The following TRPM3 variants were observed in gnomAD, a reference collection of about 807,000 sequenced individuals.
The protein encoded by TRPM3 is transient receptor potential cation channel subfamily M member 3.
A neutral mutation model predicts 181.2 loss-of-function variants in TRPM3; 77 were observed. The observed-to-expected ratio is 0.42, with a 90% CI of 0.35 to 0.51. The LOEUF (loss-of-function observed/expected upper bound fraction) is 0.51. Ranked by LOEUF, TRPM3 falls within the 20% of genes least tolerant of loss-of-function variation. The pLI is 0.01. For missense variants in TRPM3, 1,759 were observed against 2,196.7 expected (o/e 0.80, Z 3.98); for synonymous variants, 745 against 796.4 (o/e 0.94, Z 1.09).
Position 71,405,634 on chromosome 9 carries a change from T to C in TRPM3, c.183+41019A>G, listed in dbSNP as rs541222506. ...GTCCTGTTGAAACTCTGTTTGCTTT[T>C]TACATATTGAGATCTAATTCTAATT... On this transcript the variant is annotated intron_variant, in intron 1 of 24. Transcript: ENST00000357533. Among the ~76,000 whole-genome samples the C allele has an allele frequency of 4.8e-4, 73 of 152,318 alleles. 1 individual carries two copies. The highest frequency in any genetic ancestry group is 1.7e-3 in the African/African-American group (70 of 41,576).
intron 1 of TRPM3, among the ~76,000 whole-genome samples, chr9:71,080,686 G>C (rs2064165230): frequency 6.6e-6 from 1 of 152,026 alleles, no homozygotes; most frequent in Non-Finnish European, 1.5e-5. Flanking sequence ...TCTCCTTCAG[G>C]GTCCTAGGTG....
intron 7 of TRPM3, among the ~76,000 whole-genome samples, chr9:70,778,380 A>C (rs1452382193): frequency 6.6e-6 from 1 of 152,162 alleles, no homozygotes; most frequent in Non-Finnish European, 1.5e-5. Context: ...TCCTCATTAT[A>C]AAGTTCTTGA....
chr9:71,142,596 T>A (rs2075173938), intron 1 of TRPM3, among the ~76,000 whole-genome samples: 1 of 152,132 alleles, frequency 6.6e-6, no homozygotes, highest in Non-Finnish European at 1.5e-5. Context: ...ATGTTTAAAT[T>A]TTAATATTGA....
chr9:71,077,598 T>C (rs1297763566), intron 1 of TRPM3, among the ~76,000 whole-genome samples: 2 of 152,134 alleles, frequency 1.3e-5, no homozygotes, highest in East Asian at 1.9e-4. Context: ...TACCAAAAAG[T>C]ACTATAAACA....
chr9:70,957,941 T>G (rs1210125415), intron 1 of TRPM3, among the ~76,000 whole-genome samples: 1 of 152,196 alleles, frequency 6.6e-6, no homozygotes, highest in Non-Finnish European at 1.5e-5. Flanking sequence ...CTTTGGAACC[T>G]ACTTCCCTGG....
chr9:71,145,136 G>A (rs1365312093), intron 1 of TRPM3, among the ~76,000 whole-genome samples: 1 of 152,102 alleles, frequency 6.6e-6, no homozygotes, highest in African/African-American at 2.4e-5. Flanking sequence ...TAGAACAGCT[G>A]TTTATCATCA....
chr9:71,057,749 A>C (rs190919760), intron 1 of TRPM3, among the ~76,000 whole-genome samples: 4 of 152,004 alleles, frequency 2.6e-5, no homozygotes, highest in Admixed American at 2.6e-4. Flanking sequence ...TGTATTTTCC[A>C]ATTTTAGTCC....
chr9:71,254,241 T>A (rs2082534579), intron 1 of TRPM3, among the ~76,000 whole-genome samples: 1 of 152,110 alleles, frequency 6.6e-6, no homozygotes. Flanking sequence ...TTAAGTGAGA[T>A]AAACCAAGCG....
chr9:70,594,325 G>A (rs1235506804), intron 21 of TRPM3, among the ~76,000 whole-genome samples: 3 of 152,142 alleles, frequency 2.0e-5, no homozygotes. Context: ...AGGTCAGGTT[G>A]TGGGGTCAGT....
Position 70,914,350 on chromosome 9 carries a change from A to G in TRPM3, c.178-49839T>C, listed in dbSNP as rs184307323. On this transcript the variant is annotated intron_variant, in intron 1 of 25. Transcript: ENST00000677713. Reference sequence around the variant, plus strand: ...TGATCTTGGACTTCCCAGCCTCCAGAACTGTGAGAAATAAGTTGTTTATAA... The same window carrying G: ...TGATCTTGGACTTCCCAGCCTCCAGGACTGTGAGAAATAAGTTGTTTATAA... Among the ~76,000 whole-genome samples the G allele has an allele frequency of 2.6e-3, 399 of 152,320 alleles. 2 individuals are homozygous for G. The highest frequency in any genetic ancestry group is 9.2e-3 in the African/African-American group (384 of 41,562).
intron 1 of TRPM3, among the ~76,000 whole-genome samples, chr9:71,035,391 A>G (rs1358640025): frequency 6.6e-6 from 1 of 152,230 alleles, no homozygotes; most frequent in Non-Finnish European, 1.5e-5. Flanking sequence ...GCATAAATTT[A>G]GTCATTCATA....
At chr9:70,810,124 C>T (rs1460758839) in intron 6 of TRPM3, 3 of 531,372 alleles carry the variant, frequency 5.6e-6, no homozygotes, top group South Asian at 4.2e-5. Flanking sequence ...TGCCTCCACC[C>T]CCACCCTCCT....
rs879319342 is a variant in TRPM3, at chr9:70,761,633, T to C, written c.1240A>G (p.Ile414Val). The C allele has an allele frequency of 6.2e-7, 1 of 1,614,004 alleles. No homozygotes were observed. Among genetic ancestry groups the C allele is most frequent in the South Asian group, 1.1e-5 (1 of 91,082 alleles). Residue 414 changes from isoleucine (I) to valine (V), a missense_variant, in exon 8 of 26, where the codon ATC becomes GTC. Coordinates refer to ENST00000677713, the MANE Select transcript of TRPM3 (RefSeq NM_001366145.2). ...TTCTTCTTCATGCACTCCATGAGGA[T>C]GATGAACAGATGCTGAGCTTGGGTT... ...TRTQAQHLFI[I>V]LMECMKKKEL...
At chr9:71,366,608 T>C (rs1484096208) in intron 1 of TRPM3, among the ~76,000 whole-genome samples, 1 of 152,212 alleles carries the variant, frequency 6.6e-6, no homozygotes, top group African/African-American at 2.4e-5. Context: ...AGTTGCTGTC[T>C]GAAAGTATTA....
chr9:70,688,854 T>TTAAGGCATTCCAGGA (rs1378151128), intron 8 of TRPM3, among the ~76,000 whole-genome samples: 2 of 152,158 alleles, frequency 1.3e-5, no homozygotes, highest in African/African-American at 4.8e-5. Flanking sequence ...TTCTCTAAGC[T>TTAAGGCATTCCAGGA]TAAGGCATTC....
intron 1 of TRPM3, among the ~76,000 whole-genome samples, chr9:71,022,808 A>C (rs748017282): frequency 7.2e-5 from 11 of 152,208 alleles, no homozygotes; most frequent in Non-Finnish European, 1.5e-4. Context: ...TACGTTCTGC[A>C]CATGTATCCC....
chr9:71,007,848 T>C (rs1426199085), intron 1 of TRPM3, among the ~76,000 whole-genome samples: 2 of 151,976 alleles, frequency 1.3e-5, no homozygotes, highest in African/African-American at 4.8e-5. Flanking sequence ...ATACACAACC[T>C]AATGTTATGC....
intron 1 of TRPM3, among the ~76,000 whole-genome samples, chr9:71,325,224 CA>C (rs762845685): frequency 2.6e-5 from 4 of 152,094 alleles, no homozygotes; most frequent in Non-Finnish European, 4.4e-5. Flanking sequence ...ACCTCTAACA[CA>C]AGATATTAAA....
intron 22 of TRPM3, among the ~76,000 whole-genome samples, chr9:70,574,244 A>G (rs765816815): frequency 6.6e-5 from 10 of 152,176 alleles, no homozygotes; most frequent in Non-Finnish European, 8.8e-5. Context: ...AAGGCCCTGC[A>G]CAACTTGGCC....
Sources: gnomAD v4.1 joint callset for allele counts (sites outside exome capture counted in the v4.1 genomes callset) on GRCh38, gnomAD v4.1.1 for gene constraint, MANE v1.5 for transcripts, NCBI Gene and HGNC (gene_info 2026-07-23, HGNC 2026-07-21) for gene names.